UBR4: variants seen among roughly 807,000 people sequenced by gnomAD.
UBR4 encodes E3 ubiquitin-protein ligase UBR4.
UBR4 carries 124 observed loss-of-function variants against 575.6 expected under a neutral mutation model. The observed-to-expected ratio is 0.22, with a 90% CI of 0.19 to 0.25. The LOEUF is 0.25. UBR4 is among the 10% of genes least tolerant of loss of function. UBR4 has a pLI of 1.00. For synonymous variants in UBR4, 2,455 were observed against 2,473.7 expected (o/e 0.99, Z 0.22); for missense variants, 4,818 against 6,478.8 (o/e 0.74, Z 8.80).
rs553272597 is a variant in UBR4, at chr1:19,197,849, TTGTC to T, written c.752-42_752-39del. Reference sequence around the variant, plus strand: ...AAACCACAACCTTACAAACAGGCCTTTGTCTGATGCTTGATTCTTATCCATATGA... The same window carrying T: ...AAACCACAACCTTACAAACAGGCCTTTGATGCTTGATTCTTATCCATATGA... On this transcript the variant is annotated intron_variant, in intron 6 of 105. Coordinates refer to ENST00000375254, the MANE Select transcript of UBR4 (RefSeq NM_020765.3). 3.6e-4 allele frequency: 573 copies of T among 1,612,916 alleles called. 6 individuals carry two copies. In the South Asian group the frequency reaches 6.1e-3, roughly 17 times the overall value.
In UBR4 at chr1:19,171,061, A is replaced by C. The variant is rs546271393; in HGVS notation, c.3522-178T>G. ...TCCAATGGGTAATCATTTCCCAAAG[A>C]ATGTCCCCTCCTCTGAAATGCTCCC... On this transcript the variant is annotated intron_variant, in intron 25 of 105. Coordinates refer to ENST00000375254, the MANE Select transcript of UBR4 (RefSeq NM_020765.3). 1.8e-4 allele frequency among the ~76,000 whole-genome samples: 27 copies of C among 152,304 alleles called. 2 individuals carry two copies. Among genetic ancestry groups the C allele is most frequent in the African/African-American group, 6.5e-4 (27 of 41,552 alleles).
intron 58 of UBR4, among the ~76,000 whole-genome samples, chr1:19,140,177 G>A (rs1413791196): frequency 6.6e-6 from 1 of 150,850 alleles, no homozygotes; most frequent in Non-Finnish European, 1.5e-5. Context: ...GGGTTGACCA[G>A]GTATCTCCAT....
chr1:19,148,082 A>C lies in UBR4; in HGVS notation c.7540T>G (p.Ser2514Ala), dbSNP rs201007725. 2.4e-5 allele frequency: 38 copies of C among 1,610,974 alleles called. No individual in the cohort carries two copies. The East Asian group carries it at 7.8e-4, about 33-fold the overall frequency. ...TGGACACTGGCAGGTGCTGGCAGGG[A>C]CAACAGCAAAGTGGCCAGCTCCTGA... ...AAQELATLLL[S>A]LPAPASVQQQ... The change falls in exon 51 of 106, where the codon TCC (serine) becomes GCC (alanine). Residue 2514 changes from serine to alanine, a missense_variant. Physicochemically the swap from Ser to Ala is moderately conservative, Grantham distance 99 (BLOSUM62 1). Transcript: ENST00000375254.
rs1001380523 is a variant in UBR4, at chr1:19,179,236, T to C, written c.2185-16A>G. The C allele has an allele frequency of 1.9e-6, 3 of 1,556,084 alleles. No homozygotes were observed. The highest frequency in any genetic ancestry group is 1.4e-5 in the African/African-American group (1 of 71,974). ...ACAGTGTGTTCTGACAAGAAAGACA[T>C]GGAACAGAACATTAGCAAACAGATA... On this transcript the variant is annotated splice_polypyrimidine_tract_variant and intron_variant, in intron 17 of 105. Coordinates refer to ENST00000375254, the MANE Select transcript of UBR4 (RefSeq NM_020765.3).
chr1:19,127,834 A>G (rs2149615354), intron 62 of UBR4, 95 bp from the exon 63 acceptor site: 1 of 1,007,298 alleles, frequency 9.9e-7, no homozygotes, highest in East Asian at 2.4e-5. Context: ...CATCAGCCCT[A>G]AAATGTTCCT....
Position 19,173,047 on chromosome 1 carries a change from T to G in UBR4, c.3338A>C (p.His1113Pro). 1.9e-6 allele frequency: 3 copies of G among 1,613,912 alleles called. No homozygotes were observed. The highest frequency in any genetic ancestry group is 2.2e-5 in the South Asian group (2 of 91,070). ...GATGGACTGCAGACTGGGAATTTCA[T>G]GCAGCTGCAAGATGGTGGTACAGTC... The part of the protein sequence containing the change: ...SIDCTTILQL[H>P]EIPSLQSIYT... The change falls in exon 25 of 106, where the codon CAT (histidine) becomes CCT (proline). Residue 1113 changes from histidine to proline, a missense_variant. His to Pro is a moderately conservative substitution (Grantham distance 77). This residue lies in a region of UBR4 where 1,172 missense variants were observed against 1,259.7 expected (regional missense o/e 0.93). Coordinates refer to ENST00000375254, the MANE Select transcript of UBR4 (RefSeq NM_020765.3).
At chr1:19,192,135 A>T (rs2092134446) in intron 11 of UBR4, 53 bp downstream of exon 11, 4 of 1,573,264 alleles carry the variant, frequency 2.5e-6, no homozygotes, top group Non-Finnish European at 1.7e-6. Flanking sequence ...CTGTAAATAT[A>T]AAATGTTAGC....
rs2090612645 is a variant in UBR4, at chr1:19,179,235, A to G, written c.2185-15T>C. The G allele has an allele frequency of 1.3e-6, 2 of 1,556,546 alleles. No individual in the cohort carries two copies. Among genetic ancestry groups the G allele is most frequent in the Non-Finnish European group, 1.7e-6 (2 of 1,159,052 alleles). On this transcript the variant is annotated splice_polypyrimidine_tract_variant and intron_variant, in intron 17 of 105. Coordinates refer to ENST00000375254, the MANE Select transcript of UBR4 (RefSeq NM_020765.3). ...AACAGTGTGTTCTGACAAGAAAGAC[A>G]TGGAACAGAACATTAGCAAACAGAT...
chr1:19,104,264 A>T lies in UBR4; in HGVS notation c.12728-7T>A. On this transcript the variant is annotated splice_region_variant and splice_polypyrimidine_tract_variant and intron_variant, in intron 86 of 105. Transcript: ENST00000375254. ...ACAAAGGAGGAGAGAAGGCCTGTGGAGACAGGAAAATGTTGCTGTGAGAGC... is the reference window on the plus strand; with the variant it reads ...ACAAAGGAGGAGAGAAGGCCTGTGGTGACAGGAAAATGTTGCTGTGAGAGC... 1 of 1,613,570 alleles carries T rather than the reference A, an allele frequency of 6.2e-7. No individual in the cohort carries two copies.
Position 19,117,909 on chromosome 1 carries a change from T to G in UBR4, c.10543A>C (p.Thr3515Pro), listed in dbSNP as rs761678701. 1.2e-6 allele frequency: 2 copies of G among 1,614,074 alleles called. No homozygotes were observed. Among genetic ancestry groups the G allele is most frequent in the Non-Finnish European group, 1.7e-6 (2 of 1,179,936 alleles). Residue 3515 changes from threonine to proline, a missense_variant and splice_region_variant, in exon 72 of 106, where the codon ACT becomes CCT. Thr to Pro is a conservative substitution (Grantham distance 38). Around this residue, in one of 29 missense-constraint regions of UBR4, gnomAD observed 550 missense variants for 791.5 expected, o/e 0.69. Transcript: ENST00000375254. The surrounding 1 kb of genome is among the most constrained non-coding windows in gnomAD (Gnocchi z 4.0). ...TNHPNSNIYN[T>P]LSGLVEFDGY... Reference sequence around the variant, plus strand: ...TCAAACTCCACTAAGCCAGACAAAGTGCTAAGGAAGAAACCAGTCTTAGCA... The same window carrying G: ...TCAAACTCCACTAAGCCAGACAAAGGGCTAAGGAAGAAACCAGTCTTAGCA...
intron 73 of UBR4, among the ~76,000 whole-genome samples, chr1:19,115,969 G>A (rs544477741): frequency 2.4e-4 from 36 of 152,318 alleles, no homozygotes; most frequent in Admixed American, 6.5e-4. Context: ...CAATGATGAT[G>A]CATGCCAAGT....
intron 90 of UBR4, among the ~76,000 whole-genome samples, 164 bp from the exon 91 acceptor site, chr1:19,097,444 A>C (rs1570422625): frequency 6.6e-6 from 1 of 152,222 alleles, no homozygotes; most frequent in Non-Finnish European, 1.5e-5. Flanking sequence ...CAATTCACTT[A>C]GGGGAAAGAA....
chr1:19,179,713 A>T (rs2090673170), intron 17 of UBR4, among the ~76,000 whole-genome samples: 1 of 152,248 alleles, frequency 6.6e-6, no homozygotes, highest in South Asian at 2.1e-4. Context: ...CCCAGAACTC[A>T]ACAAGGCTGT....
rs569281476 is a variant in UBR4 at position 19,154,306 on chromosome 1, T to C, written c.6459-367A>G. Reference sequence around the variant, plus strand: ...TCGAGTTAGTGTGAACTGGTATCCATTTTATTTCATCCCAAACCATGTAAT... The same window carrying C: ...TCGAGTTAGTGTGAACTGGTATCCACTTTATTTCATCCCAAACCATGTAAT... On this transcript the variant is annotated intron_variant, in intron 44 of 105. Transcript: ENST00000375254. Among the ~76,000 whole-genome samples the C allele has an allele frequency of 1.5e-3, 229 of 152,202 alleles. 5 individuals are homozygous for C. The highest frequency in any genetic ancestry group is 2.6e-3 in the Admixed American group (40 of 15,286).
intron 1 of UBR4, among the ~76,000 whole-genome samples, chr1:19,203,590 T>C (rs1047355512): frequency 1.8e-4 from 27 of 151,650 alleles, no homozygotes; most frequent in African/African-American, 6.3e-4. Flanking sequence ...GCCTGCCAAA[T>C]GAACACAGGA....
rs1340346647 is a variant in UBR4, at chr1:19,122,040, G to C, written c.9817-28C>G. ...GAAATAGGAACCAACCACGGGAAAGGAGTAACTCCACCACATTGCCCAGAC... is the reference window on the plus strand; with the variant it reads ...GAAATAGGAACCAACCACGGGAAAGCAGTAACTCCACCACATTGCCCAGAC... On this transcript the variant is annotated intron_variant, in intron 66 of 105. Transcript: ENST00000375254. 4 of 1,612,176 alleles carry C rather than the reference G, an allele frequency of 2.5e-6. No individual in the cohort carries two copies. In the South Asian group the frequency reaches 4.4e-5, roughly 18 times the overall value.
chr1:19,078,305 C>T (rs1226864142), intron 103 of UBR4: 5 of 449,690 alleles, frequency 1.1e-5, no homozygotes, highest in Non-Finnish European at 2.0e-5. Flanking sequence ...TCTCAGTGCT[C>T]ATCTTCCAGA....
intron 92 of UBR4, 40 bp from the exon 93 acceptor site, chr1:19,095,692 A>G (rs998927525): frequency 1.3e-6 from 2 of 1,590,240 alleles, no homozygotes. Flanking sequence ...AGGCCACATG[A>G]GAGTGTAGGA....
In UBR4 at chr1:19,150,773, C is replaced by G; in HGVS notation, c.7234G>C (p.Ala2412Pro). ...NLFIGASVDP[A>P]GVTMIDAVKI... is the part of the protein sequence containing the mutation. ...ACAGCATCTATCATGGTGACACCTG[C>G]TGGATCCACCGAGGCCCCAACTGCA... The change falls in exon 49 of 106, where the codon GCA becomes CCA. Residue 2412 changes from alanine to proline, a missense_variant. By Grantham distance (27) the Ala-to-Pro change is conservative. Around this residue, in one of 29 missense-constraint regions of UBR4, gnomAD observed 340 missense variants for 375.4 expected, o/e 0.91. Transcript: ENST00000375254. 1 of 1,614,042 alleles carries G rather than the reference C, an allele frequency of 6.2e-7. No homozygotes were observed.
Sources: gnomAD v4.1 joint callset for allele counts (sites outside exome capture counted in the v4.1 genomes callset) on GRCh38, gnomAD v4.1.1 for gene constraint, gnomAD v4.1.1 regional missense constraint, Gnocchi (gnomAD v3.1) non-coding constraint, MANE v1.5 for transcripts, NCBI Gene and HGNC (gene_info 2026-07-23, HGNC 2026-07-21) for gene names.